The following COL25A1 variants were observed in gnomAD, a reference collection of about 807,000 sequenced individuals.
COL25A1 encodes collagen type XXV alpha 1 chain.
In COL25A1, 103 loss-of-function variants were observed where a neutral mutation model predicts 128.4. The ratio of observed to expected loss-of-function variants is 0.80; its 90% CI spans 0.68 to 0.94. The LOEUF is 0.94. Ranked by LOEUF, COL25A1 falls within the 40% of genes least tolerant of loss-of-function variation. COL25A1 has a pLI of 0.00. For missense variants in COL25A1, 745 were observed against 840.0 expected (o/e 0.89, Z 1.40); for synonymous variants, 279 against 277.2 (o/e 1.01, Z -0.06).
intron 3 of COL25A1, among the ~76,000 whole-genome samples, chr4:109,202,505 A>G (rs1776630964): frequency 6.6e-6 from 1 of 152,184 alleles, no homozygotes. Flanking sequence ...CAACACTATA[A>G]AACTCCTAGA....
At chr4:109,220,959 G>A (rs1270654063) in intron 3 of COL25A1, among the ~76,000 whole-genome samples, 2 of 151,948 alleles carry the variant, frequency 1.3e-5, no homozygotes, top group Non-Finnish European at 2.9e-5. Context: ...ATGTAGAACC[G>A]AGACTGAATA....
chr4:109,206,839 C>CAACT (rs1169410556), intron 3 of COL25A1, among the ~76,000 whole-genome samples: 1 of 152,156 alleles, frequency 6.6e-6, no homozygotes, highest in Non-Finnish European at 1.5e-5. Context: ...GGCAGTCTGA[C>CAACT]AACTCCCTCA....
chr4:108,847,585 T>C (rs1287692443), intron 27 of COL25A1, among the ~76,000 whole-genome samples: 1 of 151,232 alleles, frequency 6.6e-6, no homozygotes. Flanking sequence ...TTGCAAAGCC[T>C]ACAGAAGAAA....
intron 8 of COL25A1, among the ~76,000 whole-genome samples, chr4:108,966,926 AAG>A (rs1276067710): frequency 6.6e-6 from 1 of 150,668 alleles, no homozygotes; most frequent in African/African-American, 2.4e-5. Context: ...AAGAGAGAAA[AAG>A]AGAGAAAGAA....
At chr4:109,145,631 G>A (rs58679579) in intron 3 of COL25A1, among the ~76,000 whole-genome samples, 1 of 152,256 alleles carries the variant, frequency 6.6e-6, no homozygotes, top group African/African-American at 2.4e-5. Context: ...CTGAGGTCAG[G>A]AGTTTTGAAA....
intron 14 of COL25A1, 117 bp downstream of exon 14, chr4:108,901,002 C>A: frequency 1.3e-6 from 1 of 741,226 alleles, no homozygotes; most frequent in Non-Finnish European, 2.3e-6. Flanking sequence ...ATACTATTCA[C>A]AAAATACCCA....
At chr4:109,295,557 C>T (rs2126288902) in intron 3 of COL25A1, among the ~76,000 whole-genome samples, 1 of 152,130 alleles carries the variant, frequency 6.6e-6, no homozygotes, top group South Asian at 2.1e-4. Flanking sequence ...TGCACTCTTT[C>T]CATAGATTGT....
At chr4:108,908,884 A>C (rs1019873489) in intron 13 of COL25A1, among the ~76,000 whole-genome samples, 4 of 152,088 alleles carry the variant, frequency 2.6e-5, no homozygotes, top group African/African-American at 9.7e-5. Flanking sequence ...TCTTATGCTA[A>C]GTCAGTTCCT....
At chr4:108,984,049 T>C (rs1194419266) in intron 6 of COL25A1, among the ~76,000 whole-genome samples, 1 of 152,064 alleles carries the variant, frequency 6.6e-6, no homozygotes, top group Non-Finnish European at 1.5e-5. Context: ...ATTGGTGCCT[T>C]TACAATCCCT....
chr4:109,024,026 T>C (rs932100272), intron 5 of COL25A1, among the ~76,000 whole-genome samples: 6 of 152,210 alleles, frequency 3.9e-5, no homozygotes, highest in Admixed American at 2.6e-4. Context: ...TGAGTACCCA[T>C]ACAACTATCC....
intron 33 of COL25A1, 54 bp downstream of exon 33, chr4:108,827,081 A>G (rs1363691425): frequency 4.7e-6 from 7 of 1,493,384 alleles, no homozygotes; most frequent in Non-Finnish European, 5.6e-6. Flanking sequence ...CGTGTCAGTG[A>G]CTGGTCATCT....
At chr4:108,971,799 T>G (rs971258704) in intron 8 of COL25A1, among the ~76,000 whole-genome samples, 1 of 152,186 alleles carries the variant, frequency 6.6e-6, no homozygotes. Context: ...ATAGAAAGAT[T>G]AATTGGAAAG....
At chr4:109,227,697 G>A (rs1371439600) in intron 3 of COL25A1, among the ~76,000 whole-genome samples, 1 of 152,096 alleles carries the variant, frequency 6.6e-6, no homozygotes, top group African/African-American at 2.4e-5. Context: ...CTTCCACTGT[G>A]TTATAAGGAA....
At chr4:109,079,257 C>T (rs1418738971) in intron 3 of COL25A1, among the ~76,000 whole-genome samples, 1 of 152,178 alleles carries the variant, frequency 6.6e-6, no homozygotes, top group African/African-American at 2.4e-5. Flanking sequence ...AGTGTCCAGA[C>T]AGATTTCCAG....
At chr4:109,162,795 G>T (rs1430582818) in intron 3 of COL25A1, among the ~76,000 whole-genome samples, 1 of 152,196 alleles carries the variant, frequency 6.6e-6, no homozygotes. Context: ...CTGAACATGT[G>T]GGGAACTGGC....
chr4:108,869,884 A>G (rs542533050), intron 19 of COL25A1, among the ~76,000 whole-genome samples: 22 of 152,288 alleles, frequency 1.4e-4, no homozygotes, highest in African/African-American at 5.1e-4. Flanking sequence ...TTTCTAAGGC[A>G]GTAGTATTTC....
chr4:109,081,148 T>C (rs2125994391), intron 3 of COL25A1, among the ~76,000 whole-genome samples: 1 of 152,310 alleles, frequency 6.6e-6, no homozygotes, highest in South Asian at 2.1e-4. Context: ...CACGTATGAA[T>C]TGATTAATGT....
At chr4:108,870,924 A>C (rs1738631119) in intron 19 of COL25A1, among the ~76,000 whole-genome samples, 1 of 152,204 alleles carries the variant, frequency 6.6e-6, no homozygotes, top group Non-Finnish European at 1.5e-5. Flanking sequence ...TCTTTAGAAA[A>C]ACAAATAGAT....
intron 5 of COL25A1, among the ~76,000 whole-genome samples, chr4:109,018,949 G>C (rs989174910): frequency 5.9e-5 from 9 of 152,144 alleles, no homozygotes; most frequent in Admixed American, 5.9e-4. Flanking sequence ...TTTTCACACT[G>C]CTATAAAGAC....
Sources: allele counts gnomAD v4.1 joint callset (sites outside exome capture counted in the v4.1 genomes callset), GRCh38; gene constraint gnomAD v4.1.1; transcripts MANE v1.5; gene names NCBI Gene and HGNC (gene_info 2026-07-23, HGNC 2026-07-21).